Variants in EPHB2 observed in about 807,000 individuals in gnomAD.
The protein encoded by EPHB2 is ephrin type-B receptor 2.
EPHB2 carries 18 observed loss-of-function variants against 96.4 expected under a neutral mutation model. The observed-to-expected ratio is 0.19, with a 90% CI of 0.13 to 0.28. EPHB2 has a LOEUF of 0.28. Among genes scored for constraint, EPHB2 ranks in the 10% least tolerant of loss-of-function variants. The pLI is 1.00. For synonymous variants in EPHB2, 506 were observed against 534.1 expected, an observed-to-expected ratio of 0.95 and a Z score of 0.72; for missense variants, 989 against 1,355.4, an observed-to-expected ratio of 0.73 and a Z score of 4.25.
intron 5 of EPHB2, among the ~76,000 whole-genome samples, chr1:22,874,210 C>T (rs1213850152): frequency 6.6e-6 from 1 of 152,196 alleles, no homozygotes; most frequent in Non-Finnish European, 1.5e-5. Context: ...TAATCTGGGC[C>T]AAGTCCTGTG....
At chr1:22,758,236 G>A (rs915780262) in intron 1 of EPHB2, among the ~76,000 whole-genome samples, 16 of 151,750 alleles carry the variant, frequency 1.1e-4, no homozygotes, top group African/African-American at 3.6e-4. Context: ...GCTTTTAGGT[G>A]TAGGGATCCC....
chr1:22,882,184 T>C (rs1339984483), intron 5 of EPHB2, among the ~76,000 whole-genome samples, 175 bp from the exon 6 acceptor site: 1 of 152,136 alleles, frequency 6.6e-6, no homozygotes, highest in Non-Finnish European at 1.5e-5. Context: ...CCCATAGCCC[T>C]GCATGAGCCC....
chr1:22,793,248 C>T (rs532580858), intron 3 of EPHB2, among the ~76,000 whole-genome samples: 60 of 152,212 alleles, frequency 3.9e-4, no homozygotes, highest in Non-Finnish European at 8.2e-4. Flanking sequence ...ACTTCCAGGA[C>T]ACCTGCTGTG....
intron 3 of EPHB2, among the ~76,000 whole-genome samples, chr1:22,799,154 G>A (rs1037636646): frequency 2.0e-5 from 3 of 152,036 alleles, no homozygotes; most frequent in Non-Finnish European, 4.4e-5. Flanking sequence ...ACTTCCCCTC[G>A]CTCCTCCCTC....
At chr1:22,774,058 C>A (rs1644414596) in intron 1 of EPHB2, among the ~76,000 whole-genome samples, 1 of 152,228 alleles carries the variant, frequency 6.6e-6, no homozygotes, top group African/African-American at 2.4e-5. Context: ...ATTGCCCAGC[C>A]TTCCCCGATG....
chr1:22,723,061 C>T (rs1643502320), intron 1 of EPHB2, among the ~76,000 whole-genome samples: 1 of 152,216 alleles, frequency 6.6e-6, no homozygotes, highest in African/African-American at 2.4e-5. Context: ...CTGGCCCCAG[C>T]AGGGAGAGAG....
intron 6 of EPHB2, among the ~76,000 whole-genome samples, chr1:22,886,420 G>T (rs948278302): frequency 6.6e-6 from 1 of 152,004 alleles, no homozygotes; most frequent in Non-Finnish European, 1.5e-5. Context: ...AAGTATGATC[G>T]GATGGCTCTG....
chr1:22,788,930 T>C (rs1381134106), intron 3 of EPHB2, among the ~76,000 whole-genome samples: 1 of 152,002 alleles, frequency 6.6e-6, no homozygotes, highest in African/African-American at 2.4e-5. Context: ...AATTTTTGTA[T>C]TTTTAGTAGA....
At chr1:22,732,567 G>A (rs943360554) in intron 1 of EPHB2, among the ~76,000 whole-genome samples, 10 of 152,110 alleles carry the variant, frequency 6.6e-5, no homozygotes, top group East Asian at 3.9e-4. Context: ...ACACGCACAC[G>A]AATGTCTAGA....
At chr1:22,787,004 C>T (rs1469708301) in intron 3 of EPHB2, among the ~76,000 whole-genome samples, 3 of 152,206 alleles carry the variant, frequency 2.0e-5, no homozygotes, top group African/African-American at 7.2e-5. Flanking sequence ...CAGCCACTCA[C>T]TGTTGATGGT....
At chr1:22,879,947 G>A (rs1638978464) in intron 5 of EPHB2, among the ~76,000 whole-genome samples, 1 of 152,224 alleles carries the variant, frequency 6.6e-6, no homozygotes. Context: ...TCTTGCAGGT[G>A]CTGCCACCTC....
intron 3 of EPHB2, among the ~76,000 whole-genome samples, chr1:22,812,815 A>C (rs548197082): frequency 6.6e-6 from 1 of 152,298 alleles, no homozygotes; most frequent in East Asian, 1.9e-4. Context: ...GCCGTCTTCA[A>C]CCCATCTGAG....
At chr1:22,902,999 A>G (rs1639798915) in intron 9 of EPHB2, among the ~76,000 whole-genome samples, 1 of 152,224 alleles carries the variant, frequency 6.6e-6, no homozygotes, top group Non-Finnish European at 1.5e-5. Context: ...GAAATAATGA[A>G]GTGTGTCTGA....
rs546343573 is a variant in EPHB2 at position 22,810,892 on chromosome 1, C to T, written c.811+25816C>T. On this transcript the variant is annotated intron_variant, in intron 3 of 15. Coordinates refer to ENST00000374630, the MANE Select transcript of EPHB2 (RefSeq NM_017449.5). ...CCCTAACACACCCAAGAGGCCCTGG[C>T]AGCCCCAAGTCCCCCTCCTCAGTGC... Among the ~76,000 whole-genome samples, 46 of 152,276 alleles carry T rather than the reference C, an allele frequency of 3.0e-4. 1 individual carries two copies. The highest frequency in any genetic ancestry group is 9.6e-4 in the African/African-American group (40 of 41,548).
chr1:22,909,765 C>T (rs562550659), intron 13 of EPHB2, among the ~76,000 whole-genome samples: 1 of 152,196 alleles, frequency 6.6e-6, no homozygotes, highest in South Asian at 2.1e-4. Flanking sequence ...AGGAAGGACT[C>T]GAAGAAACTT....
intron 3 of EPHB2, among the ~76,000 whole-genome samples, chr1:22,850,758 A>G (rs534977884): frequency 7.9e-5 from 12 of 152,128 alleles, no homozygotes; most frequent in Non-Finnish European, 1.3e-4. Flanking sequence ...ATAGATGAGG[A>G]GATGAGGCCC....
intron 6 of EPHB2, among the ~76,000 whole-genome samples, chr1:22,890,564 C>G (rs1639358098): frequency 6.6e-6 from 1 of 152,164 alleles, no homozygotes; most frequent in South Asian, 2.1e-4. Flanking sequence ...CTTTGAGATC[C>G]CATTCCAGTG....
chr1:22,763,979 C>T (rs948347286), intron 1 of EPHB2, among the ~76,000 whole-genome samples: 12 of 152,192 alleles, frequency 7.9e-5, no homozygotes, highest in African/African-American at 2.2e-4. Flanking sequence ...CCCCCTCTTA[C>T]GAGGACACTC....
Position 22,919,107 on chromosome 1 carries a change from T to G in EPHB2, c.*5537T>G, listed in dbSNP as rs1016227141. On this transcript the variant is annotated 3_prime_UTR_variant, in exon 16 of 16. Transcript: ENST00000374630. ...ATCCCTGGGGTTGGGCCCAAGAGTC[T>G]CCATTTTTTGACAAGCTCCTCCAGG... is the stretch of plus-strand genomic sequence containing the variant. The G allele has an allele frequency of 1.3e-5, 2 of 152,174 alleles. No individual in the cohort carries two copies. The highest frequency in any genetic ancestry group is 2.9e-5 in the Non-Finnish European group (2 of 68,036). The allele number at this position is 152,174 out of a possible 1,614,324, so 9.4% of individuals were successfully genotyped here.
Sources: gnomAD v4.1 joint callset for allele counts (sites outside exome capture counted in the v4.1 genomes callset) on GRCh38, gnomAD v4.1.1 for gene constraint, MANE v1.5 for transcripts, NCBI Gene and HGNC (gene_info 2026-07-23, HGNC 2026-07-21) for gene names.